The following NREP variants were observed in gnomAD, a reference collection of about 807,000 sequenced individuals.
NREP encodes neuronal regeneration related protein.
A neutral mutation model predicts 8.6 loss-of-function variants in NREP; 5 were observed. That is an observed-to-expected ratio of 0.58 (90% CI 0.30 to 1.22). The LOEUF is 1.22. Among genes scored for constraint, NREP ranks in the 50% most tolerant of loss-of-function variants. The probability of loss-of-function intolerance (pLI) is 0.07; values close to 1 mark genes in which losing one functional copy is unlikely to be tolerated. For synonymous variants in NREP, 27 were observed against 28.0 expected, an observed-to-expected ratio of 0.96 and a Z score of 0.11; for missense variants, 86 against 82.5, an observed-to-expected ratio of 1.04 and a Z score of -0.17.
At chr5:111,971,797 C>T (rs1756827044) in intron 2 of NREP, among the ~76,000 whole-genome samples, 1 of 151,556 alleles carries the variant, frequency 6.6e-6, no homozygotes, top group South Asian at 2.1e-4. Flanking sequence ...GAAAAGCACA[C>T]TAAGAAACAA....
intron 2 of NREP, among the ~76,000 whole-genome samples, chr5:111,948,588 G>A (rs1756060915): frequency 6.6e-6 from 1 of 152,022 alleles, no homozygotes. Flanking sequence ...TGACAACTGT[G>A]CCTAACGGCC....
At chr5:111,917,445 A>G (rs1299824652) in intron 2 of NREP, among the ~76,000 whole-genome samples, 3 of 152,174 alleles carry the variant, frequency 2.0e-5, no homozygotes, top group Non-Finnish European at 4.4e-5. Flanking sequence ...CTGAACACCA[A>G]TGCAAAAATC....
intron 2 of NREP, among the ~76,000 whole-genome samples, chr5:111,905,229 T>C (rs1754752862): frequency 1.3e-5 from 2 of 152,142 alleles, no homozygotes; most frequent in African/African-American, 2.4e-5. Flanking sequence ...TTTGGGTAAG[T>C]ACCTAGGAGG....
intron 2 of NREP, among the ~76,000 whole-genome samples, chr5:111,840,079 TAA>T (rs1315624958): frequency 1.3e-5 from 2 of 152,090 alleles, no homozygotes; most frequent in Non-Finnish European, 2.9e-5. Flanking sequence ...TATAATGACA[TAA>T]GTTATTTAGC....
intron 2 of NREP, among the ~76,000 whole-genome samples, chr5:111,963,367 G>A (rs1191219439): frequency 1.3e-5 from 2 of 152,240 alleles, no homozygotes; most frequent in African/African-American, 4.8e-5. Context: ...AAGCATCTCA[G>A]AGAAACTCTC....
intron 2 of NREP, among the ~76,000 whole-genome samples, chr5:111,822,658 T>A (rs1752536839): frequency 6.6e-6 from 1 of 152,226 alleles, no homozygotes; most frequent in Non-Finnish European, 1.5e-5. Flanking sequence ...GTCTGAAATT[T>A]TCTCCATAAC....
chr5:111,846,884 A>G, intron 2 of NREP, among the ~76,000 whole-genome samples: 1 of 152,290 alleles, frequency 6.6e-6, no homozygotes, highest in African/African-American at 2.4e-5. Flanking sequence ...AGAAACCAAA[A>G]TTTGTTTATT....
chr5:111,848,311 G>A (rs945242340), intron 2 of NREP, among the ~76,000 whole-genome samples: 1 of 152,056 alleles, frequency 6.6e-6, no homozygotes, highest in African/African-American at 2.4e-5. Flanking sequence ...TTTCTAGTAA[G>A]GTTTTATTTA....
chr5:111,976,868 A>T, exon 1 of NREP: 6 of 671,622 alleles, frequency 8.9e-6, no homozygotes. Flanking sequence ...GTTTCTTTTG[A>T]TAAATAGCAT....
chr5:111,860,039 T>A (rs2112480011), intron 2 of NREP, among the ~76,000 whole-genome samples: 1 of 152,292 alleles, frequency 6.6e-6, no homozygotes, highest in Admixed American at 6.5e-5. Context: ...GCAAGTTGCA[T>A]AATCACGTTG....
At chr5:111,955,829 G>A (rs184639077) in intron 2 of NREP, among the ~76,000 whole-genome samples, 7 of 150,598 alleles carry the variant, frequency 4.6e-5, no homozygotes, top group Admixed American at 1.3e-4. Context: ...AGTAGACAGA[G>A]CCAAAAGGTT....
At chr5:111,729,209 C>T (rs946248809), downstream of NREP, 2 of 152,162 alleles carry the variant, frequency 1.3e-5, no homozygotes, top group Non-Finnish European at 2.9e-5. Context: ...GGTTTGCTGG[C>T]CTGACTTCTG....
At chr5:111,741,226 C>A (rs1749629342) in intron 2 of NREP, among the ~76,000 whole-genome samples, 1 of 152,130 alleles carries the variant, frequency 6.6e-6, no homozygotes, top group African/African-American at 2.4e-5. Context: ...ATAATCAATT[C>A]TTTCTGCAGC....
chr5:111,732,126 A>G (rs927061987), intron 3 of NREP: 3 of 152,104 alleles, frequency 2.0e-5, no homozygotes, highest in African/African-American at 7.2e-5. Flanking sequence ...TTCTAACAAG[A>G]CAGTTTTAAT....
chr5:111,812,477 G>C (rs1201658516), intron 2 of NREP, among the ~76,000 whole-genome samples: 2 of 152,134 alleles, frequency 1.3e-5, no homozygotes, highest in East Asian at 3.8e-4. Flanking sequence ...TAAAAAAAGA[G>C]AGGATGAAGG....
intron 2 of NREP, among the ~76,000 whole-genome samples, chr5:111,853,481 G>C (rs1292646613): frequency 6.6e-6 from 1 of 151,114 alleles, no homozygotes; most frequent in Admixed American, 6.6e-5. Flanking sequence ...AGCTTTGGGA[G>C]GGGGGAGGGT....
At chr5:111,935,502 T>C (rs947790720) in intron 2 of NREP, among the ~76,000 whole-genome samples, 5 of 152,098 alleles carry the variant, frequency 3.3e-5, no homozygotes, top group African/African-American at 1.2e-4. Context: ...CTTTCTACAC[T>C]GTGGCACTTA....
chr5:111,880,330 T>A (rs574838567), intron 2 of NREP, among the ~76,000 whole-genome samples: 9 of 152,354 alleles, frequency 5.9e-5, no homozygotes, highest in African/African-American at 2.2e-4. Flanking sequence ...TCCAGAGCTC[T>A]CATAAGAAAT....
chr5:111,855,542 T>C (rs1753407243), intron 2 of NREP, among the ~76,000 whole-genome samples: 1 of 152,166 alleles, frequency 6.6e-6, no homozygotes, highest in South Asian at 2.1e-4. Flanking sequence ...TAACTCACAC[T>C]TCTTTATCTT....
Sources: gnomAD v4.1 joint callset for allele counts (sites outside exome capture counted in the v4.1 genomes callset) on GRCh38, gnomAD v4.1.1 for gene constraint, MANE v1.5 for transcripts, NCBI Gene and HGNC (gene_info 2026-07-23, HGNC 2026-07-21) for gene names.